GSK3B: variants seen among roughly 807,000 people sequenced by gnomAD.
GSK3B encodes glycogen synthase kinase-3 beta.
A neutral mutation model predicts 56.4 loss-of-function variants in GSK3B; 15 were observed. That is an observed-to-expected ratio of 0.27 (90% CI 0.18 to 0.41). The LOEUF (loss-of-function observed/expected upper bound fraction) is 0.41. GSK3B is among the 10% of genes least tolerant of loss of function. GSK3B has a pLI of 1.00. For synonymous variants in GSK3B, 181 were observed against 188.9 expected (o/e 0.96, Z 0.34); for missense variants, 300 against 513.4 (o/e 0.58, Z 4.02).
At chr3:119,866,348 T>A (rs1054040137) in intron 8 of GSK3B, among the ~76,000 whole-genome samples, 13 of 152,210 alleles carry the variant, frequency 8.5e-5, no homozygotes, top group Admixed American at 8.5e-4. Flanking sequence ...ATAATAATTT[T>A]AAAACCCCAC....
chr3:119,882,810 G>A (rs1024857682), intron 7 of GSK3B, among the ~76,000 whole-genome samples: 2 of 151,996 alleles, frequency 1.3e-5, no homozygotes, highest in African/African-American at 4.8e-5. Flanking sequence ...CTGTTGATTT[G>A]CATTTATTTC....
At position 119,826,437 on chromosome 3, in the gene GSK3B, G is replaced by A; in HGVS notation, c.*351C>T. 1 of 443,090 alleles carries A rather than the reference G, an allele frequency of 2.3e-6. No individual in the cohort carries two copies. Among genetic ancestry groups the A allele is most frequent in the South Asian group, 2.3e-5 (1 of 43,604 alleles). 27.4% of individuals were successfully genotyped at this position (443,090 alleles called of 1,614,324 possible). A position where few individuals can be genotyped will look rare whatever the true frequency, so the allele number is the denominator to read the frequency against. ...CAGAAAAAGGTTTTCTTCTTTTGTG[G>A]AAGGGGCATGAGGCAGGAGTCCTGT... On this transcript the variant is annotated 3_prime_UTR_variant, in exon 11 of 11. Coordinates refer to ENST00000264235, the MANE Select transcript of GSK3B (RefSeq NM_001146156.2).
intron 1 of GSK3B, among the ~76,000 whole-genome samples, chr3:120,015,139 T>C (rs2057812472): frequency 6.6e-6 from 1 of 152,200 alleles, no homozygotes; most frequent in Non-Finnish European, 1.5e-5. Flanking sequence ...ATAGCACAGG[T>C]TACACAGTTG....
chr3:120,045,311 C>T (rs1404282578), intron 1 of GSK3B, among the ~76,000 whole-genome samples: 1 of 152,164 alleles, frequency 6.6e-6, no homozygotes, highest in African/African-American at 2.4e-5. Context: ...TCAAACTCAA[C>T]TTTCTTGTCC....
chr3:120,041,301 CT>C, intron 1 of GSK3B: 1 of 293,242 alleles, frequency 3.4e-6, no homozygotes. Context: ...GGTAGATAAC[CT>C]TCCAGCTGAT....
At chr3:119,933,257 G>C (rs2056964372) in intron 3 of GSK3B, among the ~76,000 whole-genome samples, 1 of 152,142 alleles carries the variant, frequency 6.6e-6, no homozygotes, top group Admixed American at 6.6e-5. Flanking sequence ...AATTCAGTCT[G>C]AGAAAACTAA....
chr3:120,031,638 C>G (rs552167043), intron 1 of GSK3B, among the ~76,000 whole-genome samples: 1 of 152,290 alleles, frequency 6.6e-6, no homozygotes, highest in African/African-American at 2.4e-5. Context: ...ATGTGACAAA[C>G]CAATTTTACT....
intron 2 of GSK3B, among the ~76,000 whole-genome samples, chr3:119,948,304 G>A (rs942996876): frequency 1.3e-5 from 2 of 152,196 alleles, no homozygotes; most frequent in Admixed American, 6.5e-5. Context: ...GGATGAGGAT[G>A]CGTTGGGACC....
intron 8 of GSK3B, among the ~76,000 whole-genome samples, chr3:119,872,671 A>T (rs767908467): frequency 1.3e-5 from 2 of 152,180 alleles, no homozygotes; most frequent in African/African-American, 4.8e-5. Flanking sequence ...AGAGAAGACA[A>T]ATCAGAAAAC....
intron 9 of GSK3B, among the ~76,000 whole-genome samples, chr3:119,854,055 GT>G (rs2055980816): frequency 6.6e-6 from 1 of 152,138 alleles, no homozygotes. Context: ...TTGGCTGTGG[GT>G]TTGTCATAAA....
At chr3:119,928,328 G>A (rs770719100) in intron 3 of GSK3B, among the ~76,000 whole-genome samples, 7 of 152,202 alleles carry the variant, frequency 4.6e-5, no homozygotes, top group South Asian at 2.1e-4. Context: ...AGGAAAGGCC[G>A]GGCTTGGTGG....
At chr3:120,042,894 C>T (rs1327710867) in intron 1 of GSK3B, among the ~76,000 whole-genome samples, 3 of 152,194 alleles carry the variant, frequency 2.0e-5, no homozygotes, top group African/African-American at 7.2e-5. Flanking sequence ...TGATGAAAAT[C>T]CAAACTGCTC....
At chr3:120,044,807 A>C (rs2058090014) in intron 1 of GSK3B, among the ~76,000 whole-genome samples, 1 of 152,252 alleles carries the variant, frequency 6.6e-6, no homozygotes, top group African/African-American at 2.4e-5. Flanking sequence ...ATATTAGCTG[A>C]AAAAGGTGGA....
chr3:119,851,181 TTAAA>T (rs2055925169), intron 9 of GSK3B, among the ~76,000 whole-genome samples: 1 of 152,320 alleles, frequency 6.6e-6, no homozygotes, highest in South Asian at 2.1e-4. Context: ...CAAAATGAGT[TTAAA>T]TATAGATATG....
intron 1 of GSK3B, among the ~76,000 whole-genome samples, chr3:120,010,011 C>T (rs961464087): frequency 4.6e-5 from 7 of 152,040 alleles, no homozygotes; most frequent in Non-Finnish European, 1.0e-4. Context: ...TTTAATCACC[C>T]CAAATCCAAA....
intron 2 of GSK3B, among the ~76,000 whole-genome samples, chr3:119,962,375 C>CAAA (rs71156779): frequency 8.3e-6 from 1 of 120,486 alleles, no homozygotes; most frequent in African/African-American, 3.2e-5. Flanking sequence ...AACTCTGTCT[C>CAAA]AAAAAAAAAA....
At chr3:120,019,040 T>C (rs1445037133) in intron 1 of GSK3B, among the ~76,000 whole-genome samples, 1 of 152,048 alleles carries the variant, frequency 6.6e-6, no homozygotes, top group Non-Finnish European at 1.5e-5. Context: ...TTCTAATCAA[T>C]AAACAAACAA....
intron 3 of GSK3B, among the ~76,000 whole-genome samples, chr3:119,945,796 T>C (rs1490044302): frequency 6.6e-6 from 1 of 152,150 alleles, no homozygotes; most frequent in Admixed American, 6.6e-5. Flanking sequence ...ATGAATCTAT[T>C]GTAATCCAGC....
At chr3:119,888,663 A>G (rs1426013179) in intron 7 of GSK3B, among the ~76,000 whole-genome samples, 1 of 152,180 alleles carries the variant, frequency 6.6e-6, no homozygotes, top group Non-Finnish European at 1.5e-5. Flanking sequence ...GAAGACAACC[A>G]TAAGGTCTGA....
Sources: allele counts gnomAD v4.1 joint callset (sites outside exome capture counted in the v4.1 genomes callset), GRCh38; gene constraint gnomAD v4.1.1; transcripts MANE v1.5; gene names NCBI Gene and HGNC (gene_info 2026-07-23, HGNC 2026-07-21).